BAG4: variants seen among roughly 807,000 people sequenced by gnomAD.
The protein encoded by BAG4 is BAG family molecular chaperone regulator 4.
In BAG4, 28 loss-of-function variants were observed where a neutral mutation model predicts 52.1. That is an observed-to-expected ratio of 0.54 (90% confidence interval 0.40 to 0.74). BAG4 has a LOEUF of 0.74. BAG4 is among the 30% of genes least tolerant of loss of function. The pLI, the probability that BAG4 is intolerant of heterozygous loss-of-function variation, is 0.00. For missense variants in BAG4, 525 were observed against 572.0 expected (o/e 0.92, Z 0.84); for synonymous variants, 208 against 217.0 (o/e 0.96, Z 0.37).
chr8:38,199,701 A>G (rs1404785292), intron 2 of BAG4, among the ~76,000 whole-genome samples: 1 of 151,564 alleles, frequency 6.6e-6, no homozygotes, highest in East Asian at 1.9e-4. Flanking sequence ...TTTTTTGTTT[A>G]TTTAGTAGAG....
chr8:38,198,469 T>C (rs9694158), intron 2 of BAG4, among the ~76,000 whole-genome samples: 2 of 149,884 alleles, frequency 1.3e-5, no homozygotes, highest in South Asian at 4.2e-4. Context: ...GTTTTTAAGG[T>C]TTTTTTGTTT....
intron 2 of BAG4, among the ~76,000 whole-genome samples, chr8:38,197,998 C>T (rs569098615): frequency 6.6e-6 from 1 of 152,296 alleles, no homozygotes; most frequent in East Asian, 1.9e-4. Context: ...GCCACTGCAC[C>T]TGGCCTTATA....
chr8:38,188,663 GTATACATATACATGTA>G (rs1803413884), intron 1 of BAG4, among the ~76,000 whole-genome samples: 1 of 1,324 alleles, frequency 7.6e-4, no homozygotes, highest in African/African-American at 1.6e-3. Flanking sequence ...ATATATACAT[GTATACATATACATGTA>G]TACATATATA....
At chr8:38,194,361 G>A (rs1245846389) in intron 2 of BAG4, among the ~76,000 whole-genome samples, 3 of 149,496 alleles carry the variant, frequency 2.0e-5, no homozygotes, top group Non-Finnish European at 3.0e-5. Flanking sequence ...ATATAAATAC[G>A]AGATAAGAAT....
At chr8:38,195,995 A>G (rs534818315) in intron 2 of BAG4, among the ~76,000 whole-genome samples, 2 of 152,288 alleles carry the variant, frequency 1.3e-5, no homozygotes, top group East Asian at 3.9e-4. Context: ...GTATGGAATC[A>G]TACAGTATGT....
intron 1 of BAG4, 99 bp from the exon 2 acceptor site, chr8:38,192,589 T>C (rs573387885): frequency 2.1e-6 from 2 of 963,448 alleles, no homozygotes; most frequent in South Asian, 3.5e-5. Context: ...TTTTGTCTAT[T>C]GCTTTTTTTT....
intron 2 of BAG4, among the ~76,000 whole-genome samples, chr8:38,197,153 A>G (rs1007775374): frequency 6.6e-6 from 1 of 152,212 alleles, no homozygotes; most frequent in East Asian, 1.9e-4. Flanking sequence ...AGCATTCTTT[A>G]TACATTCTAG....
intron 1 of BAG4, among the ~76,000 whole-genome samples, chr8:38,178,197 C>T (rs1329879450): frequency 1.3e-5 from 2 of 151,268 alleles, no homozygotes; most frequent in Non-Finnish European, 2.9e-5. Context: ...GCTCTGTTGC[C>T]CAGGCTGGAG....
chr8:38,193,956 C>A (rs1803520430), intron 2 of BAG4, among the ~76,000 whole-genome samples: 1 of 152,120 alleles, frequency 6.6e-6, no homozygotes. Context: ...CCAGTATGGT[C>A]TCAATCTCTT....
chr8:38,207,501 G>GT lies in BAG4; in HGVS notation c.379-4dup. 6 of 1,603,110 alleles carry GT rather than the reference G, an allele frequency of 3.7e-6. No individual in the cohort carries two copies. Among genetic ancestry groups the GT allele is most frequent in the South Asian group, 1.1e-5 (1 of 90,700 alleles). On this transcript the variant is annotated splice_polypyrimidine_tract_variant and intron_variant, in intron 2 of 4. Transcript: ENST00000287322. The stretch of plus-strand genomic sequence containing the variant: ...ATTCATCTTTTTTTCACTCAACTTG[G>GT]TTTTTTTCAGAGTTTGAATTCTTAT...
At chr8:38,199,127 A>G (rs777969825) in intron 2 of BAG4, among the ~76,000 whole-genome samples, 1 of 152,248 alleles carries the variant, frequency 6.6e-6, no homozygotes, top group African/African-American at 2.4e-5. Flanking sequence ...ATATAATTGT[A>G]TGTGTTATAT....
chr8:38,201,867 TATATATATA>T (rs1563284102), intron 2 of BAG4: 181 of 10,282 alleles, frequency 0.018, 5 homozygotes, highest in Non-Finnish European at 0.031. Flanking sequence ...TATATATATA[TATATATATA>T]TATATTTTTT....
At position 38,210,498 on chromosome 8, in the gene BAG4, A is replaced by G. The variant is rs1456916837; in HGVS notation, c.*5A>G. On this transcript the variant is annotated 3_prime_UTR_variant, in exon 5 of 5. Coordinates refer to ENST00000287322, the MANE Select transcript of BAG4 (RefSeq NM_004874.4). ...TTAGAAAAAAAAGGATTATGAAAGG[A>G]TTTAGAACAAAGTGGAAGCCTGTTA... The G allele has an allele frequency of 1.9e-6, 3 of 1,558,810 alleles. No individual in the cohort carries two copies. The Admixed American group carries it at 6.4e-5, about 33-fold the overall frequency.
intron 2 of BAG4, among the ~76,000 whole-genome samples, chr8:38,201,315 T>G (rs997966643): frequency 6.6e-6 from 1 of 152,300 alleles, no homozygotes; most frequent in Non-Finnish European, 1.5e-5. Context: ...ATCATCTTTT[T>G]TTTGTTTGTT....
In BAG4 at chr8:38,210,483, A is replaced by C. The variant is rs1803849357; in HGVS notation, c.1364A>C (p.Lys455Thr). 6.4e-7 allele frequency: 1 copy of C among 1,570,906 alleles called. No individual in the cohort carries two copies. Among genetic ancestry groups the C allele is most frequent in the African/African-American group, 1.4e-5 (1 of 72,336 alleles). ...IQAILEKLEKKGL is the reference protein window; with the variant it reads ...IQAILEKLEKTGL ...GCCATACTGGAAAAATTAGAAAAAA[A>C]AGGATTATGAAAGGATTTAGAACAA... Residue 455 changes from lysine (K) to threonine (T), a missense_variant, in exon 5 of 5, where the codon AAA becomes ACA. By Grantham distance (78) the Lys-to-Thr change is moderately conservative. Around this residue, in one of 2 missense-constraint regions of BAG4, gnomAD observed 238 missense variants for 305.8 expected, o/e 0.78. Coordinates refer to ENST00000287322, the MANE Select transcript of BAG4 (RefSeq NM_004874.4).
Position 38,177,085 on chromosome 8 carries a change from C to G in BAG4, c.216C>G (p.Tyr72Ter), listed in dbSNP as rs1359998263. ...WLGEGGGGDG[Y>*]YPSGGAWPEP... ...GAGAAGGCGGAGGAGGCGATGGCTA[C>G]TATCCCTCGGGAGGCGCCTGGCCAG... is the stretch of plus-strand genomic sequence containing the variant. Residue 72 changes from tyrosine to a stop codon, truncating the protein, a stop_gained, in exon 1 of 5, where the codon TAC (tyrosine) becomes TAG (stop). Coordinates refer to ENST00000287322, the MANE Select transcript of BAG4 (RefSeq NM_004874.4). LOFTEE classifies it high-confidence loss of function. The G allele has an allele frequency of 6.2e-7, 1 of 1,612,574 alleles. No individual in the cohort carries two copies. The highest frequency in any genetic ancestry group is 1.7e-5 in the Admixed American group (1 of 59,946).
At chr8:38,198,729 T>C (rs1803610474) in intron 2 of BAG4, among the ~76,000 whole-genome samples, 1 of 152,060 alleles carries the variant, frequency 6.6e-6, no homozygotes, top group Non-Finnish European at 1.5e-5. Context: ...CCTGGTGATC[T>C]GCCCTCCTTG....
chr8:38,201,924 G>A (rs1803686449), intron 2 of BAG4: 1 of 95,704 alleles, frequency 1.0e-5, no homozygotes, highest in East Asian at 3.5e-4. Flanking sequence ...AGCTGTTAAT[G>A]TTGCTAAGGT....
intron 2 of BAG4, among the ~76,000 whole-genome samples, chr8:38,200,798 A>G (rs1301730300): frequency 2.6e-5 from 4 of 151,960 alleles, no homozygotes; most frequent in Admixed American, 6.6e-5. Context: ...GGGTTTCTCC[A>G]TGTTGGTCAG....
Sources: allele counts gnomAD v4.1 joint callset (sites outside exome capture counted in the v4.1 genomes callset), GRCh38; gene constraint gnomAD v4.1.1; regional missense constraint gnomAD v4.1.1; transcripts MANE v1.5; gene names NCBI Gene and HGNC (gene_info 2026-07-23, HGNC 2026-07-21).